CAPS2: variants seen among roughly 807,000 people sequenced by gnomAD.
CAPS2 encodes the protein calcyphosin-2.
CAPS2 carries 98 observed loss-of-function variants against 86.5 expected under a neutral mutation model. The ratio of observed to expected loss-of-function variants is 1.13; its 90% CI spans 0.96 to 1.34. The LOEUF is 1.34. Ranked by LOEUF, CAPS2 falls within the 40% of genes most tolerant of loss-of-function variation. The pLI is 0.00. For synonymous variants in CAPS2, 210 were observed against 225.1 expected (o/e 0.93, Z 0.60); for missense variants, 729 against 686.8 (o/e 1.06, Z -0.69).
Position 75,303,916 on chromosome 12 carries a change from C to T in CAPS2, c.779+841G>A, listed in dbSNP as rs975168394. Among the ~76,000 whole-genome samples, 4 of 152,200 alleles carry T rather than the reference C, an allele frequency of 2.6e-5. No individual in the cohort carries two copies. The East Asian group carries it at 7.7e-4, about 29-fold the overall frequency. ...AAGACTTTGAAGATGGAGGAAGGGGCCATGAGCCAAGGAATGAAGGCAGCT... is the reference window on the plus strand; with the variant it reads ...AAGACTTTGAAGATGGAGGAAGGGGTCATGAGCCAAGGAATGAAGGCAGCT... On this transcript the variant is annotated intron_variant, in intron 8 of 16. Transcript: ENST00000393284.
chr12:75,366,368 C>T (rs565231187), intron 1 of CAPS2, among the ~76,000 whole-genome samples: 3 of 152,040 alleles, frequency 2.0e-5, no homozygotes, highest in Non-Finnish European at 4.4e-5. Flanking sequence ...AGATTTAAAG[C>T]AGGCAGAAAA....
Position 75,289,789 on chromosome 12 carries a change from A to C in CAPS2, c.1241-14T>G. 6.3e-7 allele frequency: 1 copy of C among 1,595,970 alleles called. No individual in the cohort carries two copies. The highest frequency in any genetic ancestry group is 1.7e-5 in the Admixed American group (1 of 58,020). ...CTTTTAGCACATCTGTTCAACAAGAAGAGAGATGAAAACAAATTGTTCCTA... is the reference window on the plus strand; with the variant it reads ...CTTTTAGCACATCTGTTCAACAAGACGAGAGATGAAAACAAATTGTTCCTA... On this transcript the variant is annotated splice_polypyrimidine_tract_variant and intron_variant, in intron 13 of 16. Transcript: ENST00000393284.
At chr12:75,300,043 ACT>A (rs1054370314) in intron 8 of CAPS2, 132 bp from the exon 9 acceptor site, 6 of 436,384 alleles carry the variant, frequency 1.4e-5, no homozygotes, top group Non-Finnish European at 2.5e-5. Context: ...GTAAAAAAAA[ACT>A]CTTTTTTTCA....
At chr12:75,289,399 A>C (rs929849972) in intron 14 of CAPS2, among the ~76,000 whole-genome samples, 10 of 152,220 alleles carry the variant, frequency 6.6e-5, no homozygotes, top group Non-Finnish European at 1.5e-4. Context: ...GTATTATCTC[A>C]GAGCTTAGCA....
At chr12:75,336,082 GAAGT>G (rs1294578459) in intron 1 of CAPS2, among the ~76,000 whole-genome samples, 8 of 151,924 alleles carry the variant, frequency 5.3e-5, no homozygotes, top group African/African-American at 1.9e-4. Context: ...AAAATGAAGT[GAAGT>G]GTCAATAGAA....
upstream of CAPS2, chr12:75,334,900 A>G (rs377033800): frequency 3.1e-6 from 5 of 1,613,156 alleles, no homozygotes; most frequent in Non-Finnish European, 3.4e-6. Context: ...CATGAAATAC[A>G]TGGTGAGAAA....
chr12:75,384,890 G>A (rs911162833), intron 1 of CAPS2, among the ~76,000 whole-genome samples: 3 of 152,144 alleles, frequency 2.0e-5, no homozygotes, highest in African/African-American at 7.2e-5. Flanking sequence ...TTCCATTGAG[G>A]CAGTATTGAA....
At chr12:75,304,623 C>A in intron 8 of CAPS2, 134 bp downstream of exon 8, 1 of 610,586 alleles carries the variant, frequency 1.6e-6, no homozygotes, top group Non-Finnish European at 2.6e-6. Flanking sequence ...GAGCTGAACT[C>A]AAAAAATTCC....
At chr12:75,337,785 G>C (rs377542554) in intron 1 of CAPS2, among the ~76,000 whole-genome samples, 2 of 151,856 alleles carry the variant, frequency 1.3e-5, no homozygotes, top group African/African-American at 4.8e-5. Flanking sequence ...CCTAATAAAA[G>C]TATTGCTTAT....
chr12:75,345,902 C>G (rs901407225), intron 1 of CAPS2, among the ~76,000 whole-genome samples: 1 of 152,194 alleles, frequency 6.6e-6, no homozygotes, highest in African/African-American at 2.4e-5. Context: ...GGAGCTTACT[C>G]TTTATTGGCT....
intron 1 of CAPS2, among the ~76,000 whole-genome samples, chr12:75,348,864 G>A (rs1225557444): frequency 6.6e-6 from 1 of 152,160 alleles, no homozygotes; most frequent in East Asian, 1.9e-4. Context: ...ACAAAGGGCC[G>A]TGATCTCTGA....
rs2044391502 is a variant in CAPS2 at position 75,372,037 on chromosome 12, G to C, written c.-395+18801C>G. ...TTTGTTTGTTTGTTGTTTCTTTTTT[G>C]AGACGGAGTCTCTGTCGCCCAGGCT... is the stretch of plus-strand genomic sequence containing the variant. On this transcript the variant is annotated intron_variant, in intron 1 of 5. Coordinates refer to the CAPS2 transcript ENST00000551829. Among the ~76,000 whole-genome samples the C allele has an allele frequency of 2.0e-5, 3 of 152,142 alleles. No individual in the cohort carries two copies. The South Asian group carries it at 6.2e-4, about 32-fold the overall frequency.
intron 1 of CAPS2, among the ~76,000 whole-genome samples, chr12:75,384,325 C>T (rs7979598): frequency 0.027 from 4,062 of 152,146 alleles, 177 homozygotes; most frequent in African/African-American, 0.093. Context: ...GAAGGAACAT[C>T]ACTACAGATC....
In CAPS2 at chr12:75,278,051, T is replaced by C. The variant is rs1178129103; in HGVS notation, c.*839A>G. The stretch of plus-strand genomic sequence containing the variant: ...CTGAACTATTCCTTGGATTCATATA[T>C]GCAACAATATACTTTTAGGATCTTT... On this transcript the variant is annotated 3_prime_UTR_variant, in exon 17 of 17. Coordinates refer to ENST00000393284, the Ensembl canonical transcript of CAPS2. The C allele has an allele frequency of 9.1e-6, 8 of 883,902 alleles. No homozygotes were observed. In the African/African-American group the frequency reaches 1.3e-4, roughly 14 times the overall value. The allele number at this position is 883,902 out of a possible 1,614,324, so 54.8% of individuals were successfully genotyped here.
chr12:75,304,200 T>A (rs1262579747), intron 8 of CAPS2, among the ~76,000 whole-genome samples: 1 of 152,022 alleles, frequency 6.6e-6, no homozygotes. Context: ...TAAAAAAAGA[T>A]AAGAAAGTAC....
At chr12:75,351,583 G>A (rs1449194464) in intron 1 of CAPS2, among the ~76,000 whole-genome samples, 2 of 149,000 alleles carry the variant, frequency 1.3e-5, no homozygotes, top group Non-Finnish European at 3.0e-5. Context: ...GTCCCACTCT[G>A]TCACCCAAGG....
chr12:75,372,321 T>C (rs1021917886), intron 1 of CAPS2, among the ~76,000 whole-genome samples: 2 of 152,140 alleles, frequency 1.3e-5, no homozygotes, highest in African/African-American at 2.4e-5. Flanking sequence ...CCTGATTTCA[T>C]CTTGATAGTT....
chr12:75,306,326 T>G (rs2038491506), intron 7 of CAPS2: 1 of 527,014 alleles, frequency 1.9e-6, no homozygotes, highest in African/African-American at 1.9e-5. Context: ...CTAATCCCAC[T>G]GCCTACTGCT....
At chr12:75,298,838 T>G in intron 10 of CAPS2, 33 bp downstream of exon 10, 5 of 1,584,932 alleles carry the variant, frequency 3.2e-6, no homozygotes, top group Non-Finnish European at 4.3e-6. Flanking sequence ...GAAGTGAACA[T>G]CTCCAGAGTT....
Sources: allele counts gnomAD v4.1 joint callset (sites outside exome capture counted in the v4.1 genomes callset), GRCh38; gene constraint gnomAD v4.1.1; transcripts MANE v1.5; gene names NCBI Gene and HGNC (gene_info 2026-07-23, HGNC 2026-07-21).